The following SGMS1 variants were observed in gnomAD, a reference collection of about 807,000 sequenced individuals.
SGMS1 encodes phosphatidylcholine:ceramide cholinephosphotransferase 1.
SGMS1 carries 13 observed loss-of-function variants against 46.2 expected under a neutral mutation model. The ratio of observed to expected loss-of-function variants is 0.28; its 90% CI spans 0.18 to 0.45. The LOEUF (loss-of-function observed/expected upper bound fraction) is 0.45. Ranked by LOEUF, SGMS1 falls within the 20% of genes least tolerant of loss-of-function variation. The pLI is 1.00. For missense variants in SGMS1, 324 were observed against 519.9 expected (o/e 0.62, Z 3.66); for synonymous variants, 203 against 187.8 (o/e 1.08, Z -0.66).
chr10:50,493,346 C>T lies in SGMS1; in HGVS notation c.-497-26414G>A, dbSNP rs149662769. ...ATGGATTAAAGACTTAAATGTAAAA[C>T]CCAAAACTAGAAAAGCCCTGGAAGA... is the stretch of plus-strand genomic sequence containing the variant. On this transcript the variant is annotated intron_variant, in intron 3 of 10. Transcript: ENST00000361781. 3.3e-3 allele frequency among the ~76,000 whole-genome samples: 495 copies of T among 152,202 alleles called. 6 individuals are homozygous for T. The highest frequency in any genetic ancestry group is 0.011 in the African/African-American group (442 of 41,528).
chr10:50,342,669 T>C (rs1367988059), intron 7 of SGMS1: 1 of 152,200 alleles, frequency 6.6e-6, no homozygotes, highest in Non-Finnish European at 1.5e-5. Context: ...CTCAGCTCTT[T>C]AACAAACCAA....
intron 2 of SGMS1, among the ~76,000 whole-genome samples, chr10:50,547,002 C>A (rs1445394408): frequency 6.6e-6 from 1 of 152,044 alleles, no homozygotes; most frequent in African/African-American, 2.4e-5. Context: ...GTTTCCATCC[C>A]AAAATAGGTA....
chr10:50,324,820 T>C (rs1030894974), intron 8 of SGMS1, among the ~76,000 whole-genome samples: 10 of 152,234 alleles, frequency 6.6e-5, no homozygotes, highest in African/African-American at 2.4e-4. Context: ...AAGTGGGATA[T>C]TCTGTAGGAC....
Position 50,343,947 on chromosome 10 carries a change from A to C in SGMS1, c.168T>G (p.Asn56Lys), listed in dbSNP as rs10763354. The change falls in exon 7 of 11, where the codon AAT becomes AAG. Residue 56 changes from asparagine to lysine, a missense_variant. Transcript: ENST00000361781. The stretch of plus-strand genomic sequence containing the variant: ...CTATCATGTCCAGGAGCCGCTGCCC[A>C]TTGTCAGAGGAGACTCGGCACAAGG... The part of the protein sequence containing the change: ...KPPLCRVSSD[N>K]GQRLLDMIET... The C allele has an allele frequency of 6.2e-7, 1 of 1,613,762 alleles. No homozygotes were observed. The highest frequency in any genetic ancestry group is 8.5e-7 in the Non-Finnish European group (1 of 1,179,950).
At chr10:50,384,101 C>T (rs1361317341) in intron 6 of SGMS1, among the ~76,000 whole-genome samples, 1 of 152,140 alleles carries the variant, frequency 6.6e-6, no homozygotes, top group Non-Finnish European at 1.5e-5. Context: ...GACTTTCTAG[C>T]CTCCAGAACT....
chr10:50,334,815 T>C (rs1381871425), intron 7 of SGMS1: 10 of 152,188 alleles, frequency 6.6e-5, no homozygotes, highest in African/African-American at 2.4e-4. Context: ...ATAAGTAAAA[T>C]ATAGAGCATG....
At chr10:50,518,483 A>G (rs1837828934) in intron 3 of SGMS1, among the ~76,000 whole-genome samples, 1 of 152,138 alleles carries the variant, frequency 6.6e-6, no homozygotes, top group Non-Finnish European at 1.5e-5. Context: ...CTGGAGTGCA[A>G]TGGCATGATC....
chr10:50,308,969 C>T (rs1847215461), intron 9 of SGMS1, among the ~76,000 whole-genome samples: 1 of 152,152 alleles, frequency 6.6e-6, no homozygotes. Flanking sequence ...CTCTTACATG[C>T]CAGGGACAGG....
chr10:50,482,575 C>T (rs567969278), intron 3 of SGMS1, among the ~76,000 whole-genome samples: 1 of 152,254 alleles, frequency 6.6e-6, no homozygotes, highest in East Asian at 1.9e-4. Context: ...AAAGCATTAC[C>T]AGTCACTACA....
chr10:50,595,877 G>A (rs1838587272), intron 1 of SGMS1, among the ~76,000 whole-genome samples: 4 of 152,296 alleles, frequency 2.6e-5, no homozygotes, highest in Admixed American at 2.0e-4. Flanking sequence ...GTCAGAAGAC[G>A]ACTGGGTTCC....
chr10:50,458,381 A>G (rs1309960931), intron 5 of SGMS1, among the ~76,000 whole-genome samples: 2 of 107,242 alleles, frequency 1.9e-5, no homozygotes, highest in East Asian at 2.9e-4. Context: ...TTTGAGGTGG[A>G]GTCTCGCTCC....
intron 8 of SGMS1, among the ~76,000 whole-genome samples, chr10:50,326,544 T>C (rs1847534999): frequency 6.6e-6 from 1 of 152,216 alleles, no homozygotes; most frequent in South Asian, 2.1e-4. Context: ...TTAATGTACA[T>C]AAATATTTTA....
chr10:50,537,340 G>A (rs968967954), intron 2 of SGMS1, among the ~76,000 whole-genome samples: 1 of 151,934 alleles, frequency 6.6e-6, no homozygotes, highest in East Asian at 1.9e-4. Flanking sequence ...CTGGGATGGT[G>A]TCAGAGATAA....
chr10:50,345,002 T>A (rs1377450340), intron 6 of SGMS1, among the ~76,000 whole-genome samples: 1 of 152,154 alleles, frequency 6.6e-6, no homozygotes, highest in East Asian at 1.9e-4. Flanking sequence ...TGAGATAATT[T>A]AAAAGAATAA....
At chr10:50,376,539 C>T (rs1170072461) in intron 6 of SGMS1, among the ~76,000 whole-genome samples, 1 of 152,124 alleles carries the variant, frequency 6.6e-6, no homozygotes, top group African/African-American at 2.4e-5. Flanking sequence ...CCCATTAACT[C>T]ATCATTTACA....
chr10:50,411,779 TC>T (rs1849104465), intron 6 of SGMS1, among the ~76,000 whole-genome samples: 1 of 152,212 alleles, frequency 6.6e-6, no homozygotes, highest in Non-Finnish European at 1.5e-5. Context: ...TATCACCAGT[TC>T]AGGATTCTCT....
chr10:50,494,651 A>C (rs1284484995), intron 3 of SGMS1, among the ~76,000 whole-genome samples: 1 of 152,144 alleles, frequency 6.6e-6, no homozygotes, highest in Non-Finnish European at 1.5e-5. Flanking sequence ...GAGGAGGGAA[A>C]AGATTAGGAA....
At chr10:50,568,083 T>G (rs1838304920) in intron 2 of SGMS1, among the ~76,000 whole-genome samples, 1 of 152,228 alleles carries the variant, frequency 6.6e-6, no homozygotes. Flanking sequence ...TTCTAAACAC[T>G]TTTGCTTTGA....
intron 2 of SGMS1, among the ~76,000 whole-genome samples, chr10:50,560,181 T>C (rs1838221971): frequency 1.4e-5 from 2 of 145,374 alleles, no homozygotes; most frequent in South Asian, 4.2e-4. Flanking sequence ...ATTACATATA[T>C]CAGAATATAT....
Sources: gnomAD v4.1 joint callset for allele counts (sites outside exome capture counted in the v4.1 genomes callset) on GRCh38, gnomAD v4.1.1 for gene constraint, MANE v1.5 for transcripts, NCBI Gene and HGNC (gene_info 2026-07-23, HGNC 2026-07-21) for gene names.